The following TMEM132C variants were observed in gnomAD, a reference collection of about 807,000 sequenced individuals.
The protein encoded by TMEM132C is protein phosphatase 1, regulatory subunit 152.
Under a neutral mutation model 61.4 loss-of-function variants are expected in TMEM132C, and 29 were observed. The ratio of observed to expected loss-of-function variants is 0.47; its 90% confidence interval spans 0.35 to 0.64. The LOEUF is 0.64. Ranked by LOEUF, TMEM132C falls within the 30% of genes least tolerant of loss-of-function variation. The pLI is 0.00. For missense variants in TMEM132C, 1,408 were observed against 1,476.9 expected, an observed-to-expected ratio of 0.95 and a Z score of 0.76; for synonymous variants, 656 against 633.1, an observed-to-expected ratio of 1.04 and a Z score of -0.54.
At chr12:128,502,261 A>T (rs1353700534) in intron 2 of TMEM132C, among the ~76,000 whole-genome samples, 2 of 152,140 alleles carry the variant, frequency 1.3e-5, no homozygotes, top group African/African-American at 4.8e-5. Flanking sequence ...ACACATGAAC[A>T]AACAGTGGTC....
At chr12:128,683,191 G>C (rs1954649178) in intron 5 of TMEM132C, among the ~76,000 whole-genome samples, 1 of 152,118 alleles carries the variant, frequency 6.6e-6, no homozygotes, top group East Asian at 1.9e-4. Flanking sequence ...CCCTTCTGGG[G>C]CTAATATGTT....
intron 2 of TMEM132C, among the ~76,000 whole-genome samples, chr12:128,540,257 GGTTTT>G (rs1186142501): frequency 1.3e-5 from 2 of 151,860 alleles, no homozygotes; most frequent in Admixed American, 6.6e-5. Flanking sequence ...CTCTGTTTTT[GGTTTT>G]GTTTTGTTTT....
At chr12:128,426,529 C>T (rs1342352739) in intron 2 of TMEM132C, among the ~76,000 whole-genome samples, 1 of 152,216 alleles carries the variant, frequency 6.6e-6, no homozygotes, top group Non-Finnish European at 1.5e-5. Context: ...CATTTTCCCA[C>T]AGTCTGTCTG....
intron 3 of TMEM132C, among the ~76,000 whole-genome samples, chr12:128,558,883 A>G (rs537587653): frequency 1.3e-5 from 2 of 152,238 alleles, no homozygotes; most frequent in African/African-American, 4.8e-5. Context: ...TTCCTAAGGT[A>G]TATTCCCCCT....
At chr12:128,589,174 A>T (rs1319931122) in intron 3 of TMEM132C, among the ~76,000 whole-genome samples, 1 of 152,182 alleles carries the variant, frequency 6.6e-6, no homozygotes, top group Non-Finnish European at 1.5e-5. Context: ...GAAAGGAGTC[A>T]TGCACAGCTC....
intron 2 of TMEM132C, among the ~76,000 whole-genome samples, chr12:128,457,241 A>G (rs1415239781): frequency 6.6e-6 from 1 of 150,874 alleles, no homozygotes; most frequent in African/African-American, 2.4e-5. Flanking sequence ...TGGCACTACC[A>G]CCAACATTAT....
In TMEM132C at chr12:128,424,990, G is replaced by A. The variant is rs1270125133; in HGVS notation, c.974+9370G>A. On this transcript the variant is annotated intron_variant, in intron 2 of 8. Transcript: ENST00000435159. ...GATTAGTGAGAATGGCCAAAACAAGGACCAGTCAACTTCAATCAGATATGT... is the reference window on the plus strand; with the variant it reads ...GATTAGTGAGAATGGCCAAAACAAGAACCAGTCAACTTCAATCAGATATGT... Among the ~76,000 whole-genome samples the A allele has an allele frequency of 2.0e-5, 3 of 152,156 alleles. No individual in the cohort carries two copies. In the East Asian group the frequency reaches 5.8e-4, roughly 29 times the overall value.
At chr12:128,325,983 G>T (rs955103571) in intron 1 of TMEM132C, among the ~76,000 whole-genome samples, 16 of 152,098 alleles carry the variant, frequency 1.1e-4, no homozygotes, top group African/African-American at 3.9e-4. Context: ...CGTTGCACAC[G>T]TGCGGAGGTT....
At chr12:128,398,533 G>T (rs980411449) in intron 1 of TMEM132C, among the ~76,000 whole-genome samples, 10 of 152,156 alleles carry the variant, frequency 6.6e-5, no homozygotes, top group African/African-American at 2.4e-4. Context: ...TGAAAAATAA[G>T]AAATGAATAA....
In TMEM132C at chr12:128,376,010, C is replaced by T. The variant is rs573299563; in HGVS notation, c.86-38722C>T. Among the ~76,000 whole-genome samples, 124 of 152,290 alleles carry T rather than the reference C, an allele frequency of 8.1e-4. 1 individual carries two copies. Among genetic ancestry groups the T allele is most frequent in the African/African-American group, 2.8e-3 (115 of 41,548 alleles). On this transcript the variant is annotated intron_variant, in intron 1 of 8. Coordinates refer to ENST00000435159, the MANE Select transcript of TMEM132C (RefSeq NM_001136103.3). ...AGCACCTTGCGTTTGAGGCTGCCTG[C>T]GGTGGGAAGCTTCAGAGTTTCAAGC...
chr12:128,618,032 T>A (rs1552578), intron 4 of TMEM132C, among the ~76,000 whole-genome samples: 96,312 of 152,050 alleles, frequency 0.63, 30,633 homozygotes, highest in South Asian at 0.68. Context: ...CTGTCTAGCT[T>A]CTTCATATGC....
intron 2 of TMEM132C, among the ~76,000 whole-genome samples, chr12:128,460,928 T>C (rs886946752): frequency 1.3e-5 from 2 of 152,122 alleles, no homozygotes; most frequent in Non-Finnish European, 2.9e-5. Context: ...TACCCAGGGC[T>C]CAGGCCTGCC....
At chr12:128,365,946 T>C (rs955809006) in intron 1 of TMEM132C, among the ~76,000 whole-genome samples, 1 of 152,210 alleles carries the variant, frequency 6.6e-6, no homozygotes, top group Non-Finnish European at 1.5e-5. Context: ...GGGCCACTTT[T>C]TCATTTTGAT....
chr12:128,589,875 T>C (rs2135565591), intron 3 of TMEM132C, among the ~76,000 whole-genome samples: 1 of 152,296 alleles, frequency 6.6e-6, no homozygotes, highest in African/African-American at 2.4e-5. Context: ...CCGGGGTTAT[T>C]ATGAGTACTA....
chr12:128,585,692 G>A (rs145720812), intron 3 of TMEM132C, among the ~76,000 whole-genome samples: 1 of 152,244 alleles, frequency 6.6e-6, no homozygotes, highest in African/African-American at 2.4e-5. Context: ...AGCAGCGTGT[G>A]CGGTGTGCTA....
intron 1 of TMEM132C, among the ~76,000 whole-genome samples, chr12:128,391,386 G>C (rs1396492027): frequency 6.6e-6 from 1 of 152,156 alleles, no homozygotes; most frequent in African/African-American, 2.4e-5. Context: ...AGGCGTCCCT[G>C]ACTCCCTCCT....
chr12:128,362,062 A>G (rs2398406), intron 1 of TMEM132C, among the ~76,000 whole-genome samples: 2 of 148,386 alleles, frequency 1.3e-5, no homozygotes, highest in Non-Finnish European at 3.0e-5. Context: ...TTCTTTTTAG[A>G]TATCATCAGC....
At position 128,596,415 on chromosome 12, in the gene TMEM132C, CAG is replaced by C. The variant is rs371223634; in HGVS notation, c.1122-19736_1122-19735del. Among the ~76,000 whole-genome samples the C allele has an allele frequency of 3.7e-4, 56 of 149,748 alleles. No individual in the cohort carries two copies. In the East Asian group the frequency reaches 0.01, roughly 27 times the overall value. ...GACTGATCCCGTGTTTTCTCCATCA[CAG>C]TGGGCTGCCCCTTTCGCAGGTCTTG... On this transcript the variant is annotated intron_variant, in intron 3 of 8. Coordinates refer to ENST00000435159, the MANE Select transcript of TMEM132C (RefSeq NM_001136103.3).
intron 4 of TMEM132C, among the ~76,000 whole-genome samples, chr12:128,650,642 T>C (rs1358798065): frequency 6.6e-6 from 1 of 152,026 alleles, no homozygotes; most frequent in African/African-American, 2.4e-5. Flanking sequence ...AATGGGAAGA[T>C]TGTTTGAGCC....
Sources: allele counts gnomAD v4.1 joint callset (sites outside exome capture counted in the v4.1 genomes callset), GRCh38; gene constraint gnomAD v4.1.1; transcripts MANE v1.5; gene names NCBI Gene and HGNC (gene_info 2026-07-23, HGNC 2026-07-21).